RGS7: variants seen among roughly 807,000 people sequenced by gnomAD.
The protein encoded by RGS7 is regulator of G-protein signaling 7.
In RGS7, 27 loss-of-function variants were observed where a neutral mutation model predicts 81.1. The observed-to-expected ratio is 0.33, with a 90% CI of 0.25 to 0.46. The LOEUF (loss-of-function observed/expected upper bound fraction) is 0.46. RGS7 is among the 20% of genes least tolerant of loss of function. RGS7 has a pLI of 1.00. For synonymous variants in RGS7, 208 were observed against 207.7 expected, an observed-to-expected ratio of 1.00 and a Z score of -0.01; for missense variants, 396 against 607.4, an observed-to-expected ratio of 0.65 and a Z score of 3.66.
chr1:240,969,377 C>T (rs1329405919), intron 4 of RGS7, among the ~76,000 whole-genome samples: 1 of 152,148 alleles, frequency 6.6e-6, no homozygotes, highest in Non-Finnish European at 1.5e-5. Flanking sequence ...GTGCATCGTC[C>T]ATTTGGTCTG....
intron 18 of RGS7, among the ~76,000 whole-genome samples, chr1:240,791,513 G>A (rs1686004847): frequency 6.6e-6 from 1 of 152,030 alleles, no homozygotes; most frequent in South Asian, 2.1e-4. Context: ...TTGCTTTCTG[G>A]GTACTAGCAA....
chr1:241,314,938 C>T (rs1194305844), intron 2 of RGS7, among the ~76,000 whole-genome samples: 2 of 151,916 alleles, frequency 1.3e-5, no homozygotes, highest in African/African-American at 4.8e-5. Context: ...ATAGTAGTAG[C>T]AGTAGAAATG....
intron 2 of RGS7, among the ~76,000 whole-genome samples, chr1:241,212,251 A>T (rs972297535): frequency 3.7e-4 from 57 of 152,282 alleles, no homozygotes; most frequent in Non-Finnish European, 2.9e-4. Flanking sequence ...TTCCAACATC[A>T]GATATGTAAT....
intron 3 of RGS7, among the ~76,000 whole-genome samples, chr1:241,005,209 C>T (rs2058621641): frequency 6.6e-6 from 1 of 151,882 alleles, no homozygotes; most frequent in African/African-American, 2.4e-5. Flanking sequence ...TTGCTCAAAA[C>T]AAAAGCAATA....
chr1:241,264,619 A>G (rs1449446318), intron 2 of RGS7, among the ~76,000 whole-genome samples: 1 of 152,230 alleles, frequency 6.6e-6, no homozygotes, highest in African/African-American at 2.4e-5. Context: ...CAATAACCTC[A>G]GCTTCCTCAG....
intron 2 of RGS7, among the ~76,000 whole-genome samples, chr1:241,300,932 G>A (rs2079715863): frequency 6.6e-6 from 1 of 152,238 alleles, no homozygotes; most frequent in Non-Finnish European, 1.5e-5. Flanking sequence ...AGCGTTGTCA[G>A]TGTTTTGGAG....
intron 2 of RGS7, among the ~76,000 whole-genome samples, chr1:241,278,498 T>C (rs992566968): frequency 6.6e-6 from 1 of 152,184 alleles, no homozygotes; most frequent in Non-Finnish European, 1.5e-5. Flanking sequence ...GGCGCAGCCA[T>C]TGTTGTTGTT....
intron 9 of RGS7, among the ~76,000 whole-genome samples, chr1:240,827,690 C>T (rs566732332): frequency 6.6e-6 from 1 of 151,906 alleles, no homozygotes; most frequent in Non-Finnish European, 1.5e-5. Flanking sequence ...TGGTGAAACC[C>T]TGTCTCTACT....
Position 240,868,945 on chromosome 1 carries a change from T to C in RGS7, c.451-93A>G, listed in dbSNP as rs572961880. 25 of 1,172,282 alleles carry C rather than the reference T, an allele frequency of 2.1e-5. No homozygotes were observed. In the East Asian group the frequency reaches 3.0e-4, roughly 14 times the overall value. The allele number at this position is 1,172,282 out of a possible 1,614,324, so 72.6% of individuals were successfully genotyped here. A position where few individuals can be genotyped will look rare whatever the true frequency, so the allele number is the denominator to read the frequency against. ...CACTTGTATTTGTCAAGGAAACAAA[T>C]AGAGAGTTTCTAAAGCCCTAAGTGT... On this transcript the variant is annotated intron_variant, in intron 7 of 18. Coordinates refer to ENST00000440928, the MANE Select transcript of RGS7 (RefSeq NM_001364886.1). This position sits in a 1 kb window ranked among gnomAD's most constrained non-coding sequence, Gnocchi z 5.1.
intron 2 of RGS7, among the ~76,000 whole-genome samples, chr1:241,100,805 A>AT (rs1479024774): frequency 6.6e-6 from 1 of 152,234 alleles, no homozygotes; most frequent in Non-Finnish European, 1.5e-5. Flanking sequence ...ATGTCCATGC[A>AT]CACCCACGAT....
At chr1:241,176,360 C>T (rs77133752) in intron 2 of RGS7, among the ~76,000 whole-genome samples, 3,090 of 152,222 alleles carry the variant, frequency 0.02, 137 homozygotes, top group African/African-American at 0.07. Context: ...ATTTTAAAAA[C>T]TGAGTTACTA....
chr1:240,888,470 T>C (rs1020347058), intron 6 of RGS7, among the ~76,000 whole-genome samples: 2 of 152,218 alleles, frequency 1.3e-5, no homozygotes, highest in African/African-American at 4.8e-5. Flanking sequence ...TTTCACCTTG[T>C]GCCCGGCTTT....
At chr1:241,001,702 A>G (rs897052550) in intron 3 of RGS7, among the ~76,000 whole-genome samples, 1 of 152,212 alleles carries the variant, frequency 6.6e-6, no homozygotes, top group African/African-American at 2.4e-5. Flanking sequence ...CACACACTGT[A>G]TGACTCCAAC....
chr1:240,953,913 G>C (rs1013339266), intron 4 of RGS7, among the ~76,000 whole-genome samples: 3 of 151,972 alleles, frequency 2.0e-5, no homozygotes, highest in African/African-American at 7.2e-5. Context: ...AGAAATCAGA[G>C]AGTGGTCATC....
intron 6 of RGS7, among the ~76,000 whole-genome samples, chr1:240,896,692 A>G (rs74651739): frequency 0.13 from 19,434 of 152,152 alleles, 1,354 homozygotes; most frequent in Middle Eastern, 0.18. Context: ...GCAGCCTTGT[A>G]GTATAGTTTG....
intron 4 of RGS7, among the ~76,000 whole-genome samples, chr1:240,949,455 T>A (rs1572917992): frequency 6.6e-6 from 1 of 152,120 alleles, no homozygotes; most frequent in South Asian, 2.1e-4. Context: ...TGGTTTTAGG[T>A]GCTTAACTAC....
At chr1:241,070,244 T>C (rs1277331914) in intron 3 of RGS7, among the ~76,000 whole-genome samples, 1 of 151,436 alleles carries the variant, frequency 6.6e-6, no homozygotes, top group African/African-American at 2.4e-5. Flanking sequence ...ATGGGTTGCT[T>C]GCTGATAGCT....
intron 2 of RGS7, among the ~76,000 whole-genome samples, chr1:241,200,260 CA>C (rs1336240285): frequency 6.6e-6 from 1 of 151,738 alleles, no homozygotes; most frequent in Non-Finnish European, 1.5e-5. Flanking sequence ...TTACTTTTTT[CA>C]AAAAGTGTTC....
intron 2 of RGS7, among the ~76,000 whole-genome samples, chr1:241,331,453 T>C (rs1011515686): frequency 4.6e-5 from 7 of 152,190 alleles, no homozygotes; most frequent in Non-Finnish European, 7.4e-5. Context: ...TATTAATATA[T>C]AGTATATGTA....
Sources: allele counts gnomAD v4.1 joint callset (sites outside exome capture counted in the v4.1 genomes callset), GRCh38; gene constraint gnomAD v4.1.1; non-coding constraint Gnocchi (gnomAD v3.1); transcripts MANE v1.5; gene names NCBI Gene and HGNC (gene_info 2026-07-23, HGNC 2026-07-21).